The following DGKI variants were observed in gnomAD, a reference collection of about 807,000 sequenced individuals.
DGKI encodes diacylglycerol kinase iota.
A neutral mutation model predicts 147.5 loss-of-function variants in DGKI; 55 were observed. That is an observed-to-expected ratio of 0.37 (90% CI 0.30 to 0.47). DGKI has a LOEUF of 0.47. DGKI is among the 20% of genes least tolerant of loss of function. DGKI has a pLI of 1.00. For synonymous variants in DGKI, 469 were observed against 477.1 expected, an observed-to-expected ratio of 0.98 and a Z score of 0.22; for missense variants, 1,007 against 1,323.8, an observed-to-expected ratio of 0.76 and a Z score of 3.71.
intron 12 of DGKI, among the ~76,000 whole-genome samples, 160 bp from the exon 13 acceptor site, chr7:137,587,370 C>T (rs1413884625): frequency 6.6e-6 from 1 of 152,170 alleles, no homozygotes; most frequent in Non-Finnish European, 1.5e-5. Context: ...AGAAAGGTCG[C>T]TTATCACAGG....
chr7:137,491,583 T>C (rs1022402031), intron 21 of DGKI, among the ~76,000 whole-genome samples: 2 of 152,240 alleles, frequency 1.3e-5, no homozygotes, highest in Non-Finnish European at 2.9e-5. Flanking sequence ...CCTATCCTGA[T>C]AAATATTCCT....
chr7:137,825,981 G>T (rs1339371022), intron 1 of DGKI, among the ~76,000 whole-genome samples: 1 of 152,138 alleles, frequency 6.6e-6, no homozygotes, highest in Non-Finnish European at 1.5e-5. Context: ...CTAGAATTAT[G>T]AACTTGCTTA....
Position 137,420,876 on chromosome 7 carries a change from G to T in DGKI, c.2762-8669C>A, listed in dbSNP as rs568319981. Among the ~76,000 whole-genome samples, 4 of 152,158 alleles carry T rather than the reference G, an allele frequency of 2.6e-5. No homozygotes were observed. The East Asian group carries it at 7.7e-4, about 29-fold the overall frequency. ...TCTGCTAAAAATACAAAAATTAGCT[G>T]GGCATGACGGTGGAAGCCTGTAGTC... On this transcript the variant is annotated intron_variant, in intron 28 of 32. Transcript: ENST00000614521.
At chr7:137,546,086 C>A (rs1319987258) in intron 20 of DGKI, 2 of 563,658 alleles carry the variant, frequency 3.5e-6, no homozygotes, top group East Asian at 5.9e-5. Flanking sequence ...GAGCGCATCA[C>A]CGAACAGCGA....
chr7:137,612,836 A>G (rs1175412085), intron 8 of DGKI, among the ~76,000 whole-genome samples: 1 of 152,204 alleles, frequency 6.6e-6, no homozygotes, highest in Non-Finnish European at 1.5e-5. Context: ...CAAGATCAAC[A>G]CTAAAAACAC....
rs528486647 is a variant in DGKI, at chr7:137,476,338, G to A, written c.2374-6719C>T. Reference sequence around the variant, plus strand: ...AATTTTCCTTTTTTTTTCTTTTTACGGTGTGCTCATTTTTTGCTTCTGAGA... The same window carrying A: ...AATTTTCCTTTTTTTTTCTTTTTACAGTGTGCTCATTTTTTGCTTCTGAGA... On this transcript the variant is annotated intron_variant, in intron 23 of 32. Coordinates refer to ENST00000614521, the MANE Select transcript of DGKI (RefSeq NM_001321708.2). 9.9e-5 allele frequency among the ~76,000 whole-genome samples: 15 copies of A among 151,926 alleles called. No homozygotes were observed. In the South Asian group the frequency reaches 1.0e-3, roughly 11 times the overall value.
chr7:137,525,478 G>A (rs1411470279), intron 20 of DGKI, among the ~76,000 whole-genome samples: 1 of 152,206 alleles, frequency 6.6e-6, no homozygotes, highest in Non-Finnish European at 1.5e-5. Context: ...CAACCCTGGT[G>A]TAAACAGCAG....
chr7:137,400,118 G>A (rs1012955701), intron 30 of DGKI, among the ~76,000 whole-genome samples: 3 of 152,130 alleles, frequency 2.0e-5, no homozygotes, highest in Admixed American at 2.0e-4. Context: ...CCACTTACAT[G>A]TGAAGACACT....
intron 28 of DGKI, among the ~76,000 whole-genome samples, chr7:137,433,660 T>C (rs559240550): frequency 4.7e-4 from 72 of 152,368 alleles, no homozygotes; most frequent in Non-Finnish European, 8.7e-4. Flanking sequence ...AATTCAATTT[T>C]TTGTTTCTGC....
intron 1 of DGKI, among the ~76,000 whole-genome samples, chr7:137,785,142 T>C (rs983615504): frequency 2.7e-5 from 4 of 150,900 alleles, no homozygotes; most frequent in Non-Finnish European, 5.9e-5. Context: ...TAAATGAAAC[T>C]GAAACAACAA....
chr7:137,588,571 G>C (rs1819492949), intron 12 of DGKI, among the ~76,000 whole-genome samples: 1 of 150,254 alleles, frequency 6.7e-6, no homozygotes, highest in African/African-American at 2.5e-5. Context: ...CCACCTCCTG[G>C]GTTCACGCCA....
intron 27 of DGKI, among the ~76,000 whole-genome samples, chr7:137,455,648 G>C (rs897815025): frequency 4.3e-5 from 5 of 114,980 alleles, no homozygotes; most frequent in African/African-American, 1.5e-4. Flanking sequence ...AAGGGGGGGG[G>C]GCGGGGAATG....
chr7:137,578,971 G>T (rs1819081394), intron 15 of DGKI, among the ~76,000 whole-genome samples: 1 of 152,130 alleles, frequency 6.6e-6, no homozygotes, highest in Non-Finnish European at 1.5e-5. Context: ...GTGTCCATTT[G>T]ATGGGCTATA....
At chr7:137,410,246 A>T (rs138384613) in intron 29 of DGKI, among the ~76,000 whole-genome samples, 2,975 of 152,176 alleles carry the variant, frequency 0.02, 86 homozygotes, top group African/African-American at 0.068. Context: ...TCAAGTAAAA[A>T]TACAAAAAAT....
At chr7:137,699,864 C>T (rs1287543400) in intron 1 of DGKI, among the ~76,000 whole-genome samples, 1 of 152,158 alleles carries the variant, frequency 6.6e-6, no homozygotes, top group Admixed American at 6.5e-5. Context: ...ACTAGACAAC[C>T]CCCACACAAG....
intron 21 of DGKI, among the ~76,000 whole-genome samples, chr7:137,496,129 TG>T (rs1815956509): frequency 6.6e-6 from 1 of 152,008 alleles, no homozygotes; most frequent in African/African-American, 2.4e-5. Flanking sequence ...ACAAAATAAA[TG>T]TACAAAAAAT....
intron 20 of DGKI, among the ~76,000 whole-genome samples, chr7:137,544,711 T>G (rs1348559566): frequency 1.3e-5 from 2 of 152,126 alleles, no homozygotes; most frequent in African/African-American, 4.8e-5. Flanking sequence ...AACCAATCAA[T>G]CATTGTTTGG....
At chr7:137,499,566 T>A (rs1466074386) in intron 21 of DGKI, among the ~76,000 whole-genome samples, 1 of 152,122 alleles carries the variant, frequency 6.6e-6, no homozygotes, top group Non-Finnish European at 1.5e-5. Flanking sequence ...AATTCTTTCT[T>A]CTTGAGTTTG....
intron 28 of DGKI, among the ~76,000 whole-genome samples, chr7:137,432,864 T>C (rs924027489): frequency 6.6e-6 from 1 of 152,214 alleles, no homozygotes; most frequent in East Asian, 1.9e-4. Context: ...GTAGTTTTAG[T>C]GGTCTCCATA....
Sources: allele counts gnomAD v4.1 joint callset (sites outside exome capture counted in the v4.1 genomes callset), GRCh38; gene constraint gnomAD v4.1.1; transcripts MANE v1.5; gene names NCBI Gene and HGNC (gene_info 2026-07-23, HGNC 2026-07-21).